Variants in PRSS12 observed in about 807,000 individuals in gnomAD.
PRSS12 encodes serine protease 12, also known as neurotrypsin.
In PRSS12, 85 loss-of-function variants were observed where a neutral mutation model predicts 104.4. The observed-to-expected ratio is 0.81, with a 90% CI of 0.68 to 0.98. The LOEUF is 0.98. Ranked by LOEUF, PRSS12 falls within the 50% of genes least tolerant of loss-of-function variation. The pLI is 0.00. For synonymous variants in PRSS12, 454 were observed against 425.2 expected, an observed-to-expected ratio of 1.07 and a Z score of -0.83; for missense variants, 1,141 against 1,139.2, an observed-to-expected ratio of 1.00 and a Z score of -0.02.
intron 2 of PRSS12, among the ~76,000 whole-genome samples, chr4:118,337,906 C>T (rs1724101577): frequency 6.6e-6 from 1 of 151,998 alleles, no homozygotes. Flanking sequence ...TTGTTAAAGA[C>T]AAAGACCAAA....
intron 11 of PRSS12, among the ~76,000 whole-genome samples, chr4:118,287,232 A>G (rs1743035056): frequency 6.6e-6 from 1 of 151,878 alleles, no homozygotes; most frequent in Admixed American, 6.6e-5. Context: ...GCGAGCCTTG[A>G]TCTCCTAGGC....
Position 118,281,951 on chromosome 4 carries a change from A to G in PRSS12, c.2613T>C (p.Ser871=), listed in dbSNP as rs575750897. The part of the protein sequence containing the change: ...KVSAFVPWIK[S]VTKL The stretch of plus-strand genomic sequence containing the variant: ...CCATGAAGAATTACAGTTTGGTGAC[A>G]CTTTTTATCCAAGGTACAAAGGCTG... The change falls in exon 13 of 13, where the codon AGT becomes AGC. Residue 871 remains serine, a synonymous_variant. Transcript: ENST00000296498. 1.6e-5 allele frequency: 22 copies of G among 1,357,060 alleles called. No homozygotes were observed. In the South Asian group the frequency reaches 2.6e-4, roughly 16 times the overall value. The allele number at this position is 1,357,060 out of a possible 1,614,324, so 84.1% of individuals were successfully genotyped here. A position where few individuals can be genotyped will look rare whatever the true frequency, so the allele number is the denominator to read the frequency against.
intron 4 of PRSS12, among the ~76,000 whole-genome samples, chr4:118,319,213 C>T (rs562923718): frequency 2.6e-5 from 4 of 152,092 alleles, no homozygotes; most frequent in Non-Finnish European, 5.9e-5. Context: ...GTATATGCCA[C>T]CACACCTGGC....
intron 4 of PRSS12, 133 bp downstream of exon 4, chr4:118,331,583 A>G (rs1723917912): frequency 8.2e-7 from 1 of 1,222,170 alleles, no homozygotes; most frequent in South Asian, 1.3e-5. Context: ...CTACAGCCCT[A>G]CTACAAAGAT....
chr4:118,316,837 A>AAAATATATATATATATATAT (rs35698159), intron 5 of PRSS12, among the ~76,000 whole-genome samples: 21 of 99,186 alleles, frequency 2.1e-4, no homozygotes, highest in Admixed American at 4.3e-4. Context: ...AAAAAAAAAA[A>AAAATATATATATATATATAT]ATATATATAT....
intron 4 of PRSS12, among the ~76,000 whole-genome samples, chr4:118,319,118 G>A (rs1723537629): frequency 6.6e-6 from 1 of 151,804 alleles, no homozygotes; most frequent in Admixed American, 6.6e-5. Context: ...GGAGTGGTGT[G>A]GCATGACCAT....
At chr4:118,331,691 C>A in intron 4 of PRSS12, 25 bp downstream of exon 4, 2 of 1,613,872 alleles carry the variant, frequency 1.2e-6, no homozygotes, top group Non-Finnish European at 1.7e-6. Context: ...AAAGTTTAAG[C>A]AAAACAAGAG....
At chr4:118,313,483 T>A (rs1185745752) in intron 6 of PRSS12, 86 bp from the exon 7 acceptor site, 6 of 1,384,722 alleles carry the variant, frequency 4.3e-6, no homozygotes, top group Non-Finnish European at 6.1e-6. Context: ...GCAACTTAGT[T>A]CAGTGACATG....
chr4:118,282,386 G>C, intron 12 of PRSS12, 143 bp from the exon 13 acceptor site: 1 of 1,084,924 alleles, frequency 9.2e-7, no homozygotes, highest in Non-Finnish European at 1.4e-6. Flanking sequence ...TAACTGGTAT[G>C]TACTATTGTT....
rs1404615018 is a variant in PRSS12 at position 118,316,096 on chromosome 4, TA to T, written c.1292+85del. 2.1e-5 allele frequency: 31 copies of T among 1,452,372 alleles called. 1 individual carries two copies. The South Asian group carries it at 2.9e-4, about 14-fold the overall frequency. 90.0% of individuals were successfully genotyped at this position (1,452,372 alleles called of 1,614,324 possible). Reference sequence around the variant, plus strand: ...GAGAGAACAGGTATTTTTATTATTATAAAAATTACAAGTAGGGATTAACATA... The same window carrying T: ...GAGAGAACAGGTATTTTTATTATTATAAAATTACAAGTAGGGATTAACATA... On this transcript the variant is annotated intron_variant, in intron 6 of 12. Transcript: ENST00000296498.
At chr4:118,309,441 G>A (rs1378010073) in intron 7 of PRSS12, among the ~76,000 whole-genome samples, 1 of 149,184 alleles carries the variant, frequency 6.7e-6, no homozygotes, top group East Asian at 2.0e-4. Context: ...GGAGAGGACT[G>A]CCATATACAA....
At position 118,299,731 on chromosome 4, in the gene PRSS12, TAAAATA is replaced by T. The variant is rs1456896245; in HGVS notation, c.1632-799_1632-794del. On this transcript the variant is annotated intron_variant, in intron 8 of 12. Transcript: ENST00000296498. ...ATAAAATAAATAAAATAAAATAAAA[TAAAATA>T]AAATAAAATAAATAAAATAAATAAA... is the stretch of plus-strand genomic sequence containing the variant. Among the ~76,000 whole-genome samples the T allele has an allele frequency of 1.1e-4, 8 of 72,768 alleles. No individual in the cohort carries two copies. The East Asian group carries it at 1.5e-3, about 14-fold the overall frequency. 47.7% of individuals were successfully genotyped at this position (72,768 alleles called of 152,430 possible).
chr4:118,325,172 A>C (rs1723738261), intron 4 of PRSS12, among the ~76,000 whole-genome samples: 1 of 152,052 alleles, frequency 6.6e-6, no homozygotes, highest in African/African-American at 2.4e-5. Context: ...CTCATTTATA[A>C]GTGGGAGCTA....
intron 7 of PRSS12, among the ~76,000 whole-genome samples, 173 bp from the exon 8 acceptor site, chr4:118,308,750 T>C (rs1743625234): frequency 1.3e-5 from 2 of 152,202 alleles, no homozygotes; most frequent in Admixed American, 6.5e-5. Context: ...CTTTTGTATG[T>C]CTCTTGCAGC....
rs533253612 is a variant in PRSS12, at chr4:118,324,496, T to C, written c.972-5940A>G. ...ATAGGCTGAGAAAGGGGAGCTGAAG[T>C]ATATTGTGTTTCAAATACATTAATT... On this transcript the variant is annotated intron_variant, in intron 4 of 12. Coordinates refer to ENST00000296498, the MANE Select transcript of PRSS12 (RefSeq NM_003619.4). Among the ~76,000 whole-genome samples, 4 of 152,206 alleles carry C rather than the reference T, an allele frequency of 2.6e-5. No individual in the cohort carries two copies. The East Asian group carries it at 5.8e-4, about 22-fold the overall frequency.
intron 8 of PRSS12, among the ~76,000 whole-genome samples, chr4:118,299,736 TA>T (rs1173938336): frequency 0.028 from 1,829 of 64,860 alleles, 53 homozygotes; most frequent in East Asian, 0.13. Flanking sequence ...TAAAATAAAA[TA>T]AAATAAAATA....
Position 118,335,533 on chromosome 4 carries a change from A to G in PRSS12, c.760T>C (p.Trp254Arg), listed in dbSNP as rs1724042984. 1 of 1,614,086 alleles carries G rather than the reference A, an allele frequency of 6.2e-7. No homozygotes were observed. The change falls in exon 3 of 13, where the codon TGG becomes CGG. Residue 254 changes from tryptophan to arginine, a missense_variant. Physicochemically the swap from Trp to Arg is moderately radical, Grantham distance 101. Coordinates refer to ENST00000296498, the MANE Select transcript of PRSS12 (RefSeq NM_003619.4). Reference protein sequence around the residue: ...ENILLCEKDIWQGGVCPQKMA... With the variant: ...ENILLCEKDIRQGGVCPQKMA... ...TTCTGAGGACACACCCCACCCTGCC[A>G]GATGTCTTTTTCACAAAGCAGTATA...
Position 118,281,542 on chromosome 4 carries a change from T to TC in PRSS12, c.*393_*394insG. On this transcript the variant is annotated 3_prime_UTR_variant, in exon 13 of 13. Transcript: ENST00000296498. The stretch of plus-strand genomic sequence containing the variant: ...TGCCACTCATGAGTGTAGTAAAGGG[T>TC]ACCGCATTTATGTCAAATGTGGGTA... 13 of 288,906 alleles carry TC rather than the reference T, an allele frequency of 4.5e-5. No individual in the cohort carries two copies. Among genetic ancestry groups the TC allele is most frequent in the East Asian group, 8.5e-5 (1 of 11,834 alleles). 17.9% of individuals were successfully genotyped at this position (288,906 alleles called of 1,614,324 possible).
intron 8 of PRSS12, among the ~76,000 whole-genome samples, chr4:118,302,202 T>C (rs777013103): frequency 1.3e-5 from 2 of 152,210 alleles, no homozygotes; most frequent in Non-Finnish European, 1.5e-5. Flanking sequence ...CTTACATTCC[T>C]ACAACAGACT....
Sources: allele counts gnomAD v4.1 joint callset (sites outside exome capture counted in the v4.1 genomes callset), GRCh38; gene constraint gnomAD v4.1.1; transcripts MANE v1.5; gene names NCBI Gene and HGNC (gene_info 2026-07-23, HGNC 2026-07-21).